Variants in CUL9 observed in about 807,000 individuals in gnomAD.
The protein encoded by CUL9 is cullin 9.
CUL9 carries 79 observed loss-of-function variants against 272.6 expected under a neutral mutation model. That is an observed-to-expected ratio of 0.29 (90% CI 0.24 to 0.35). CUL9 has a LOEUF of 0.35. Among genes scored for constraint, CUL9 ranks in the 10% least tolerant of loss-of-function variants. The pLI is 1.00. For synonymous variants in CUL9, 1,186 were observed against 1,286.5 expected (o/e 0.92, Z 1.67); for missense variants, 2,532 against 3,255.6 (o/e 0.78, Z 5.41).
rs758553098 is a variant in CUL9 at position 43,199,962 on chromosome 6, C to T, written c.3190C>T (p.Leu1064=). The T allele has an allele frequency of 9.3e-6, 15 of 1,614,070 alleles. No individual in the cohort carries two copies. The African/African-American group carries it at 1.1e-4, about 11-fold the overall frequency. ...VQELTCFLHR[L]ASMHKDYAVV... is the part of the protein sequence containing the mutation. ...GGAGCTGACCTGCTTCCTACATCGC[C>T]TGGCCTCGATGCATAAGGACTATGC... Residue 1064 remains leucine, a synonymous_variant, in exon 14 of 41, where the codon CTG becomes TTG. Coordinates refer to ENST00000252050, the MANE Select transcript of CUL9 (RefSeq NM_015089.4). This position sits in a 1 kb window ranked among gnomAD's most constrained non-coding sequence, Gnocchi z 4.4.
chr6:43,222,952 G>A, intron 38 of CUL9, 56 bp downstream of exon 38: 2 of 1,463,320 alleles, frequency 1.4e-6, no homozygotes, highest in South Asian at 1.2e-5. Flanking sequence ...CTGTTGCACA[G>A]CCCGGCCCCT....
chr6:43,204,765 G>C lies in CUL9; in HGVS notation c.4357G>C (p.Gly1453Arg), dbSNP rs1325339571. 8 of 1,614,078 alleles carry C rather than the reference G, an allele frequency of 5.0e-6. No individual in the cohort carries two copies. Among genetic ancestry groups the C allele is most frequent in the East Asian group, 4.5e-5 (2 of 44,890 alleles). ...STRPFSKNSKGRDRSPAPSPV... is the reference protein window; with the variant it reads ...STRPFSKNSKRRDRSPAPSPV... ...CTCTACAGTCAGCAAGAACAGCAAG[G>C]GTCGGGACCGGAGCCCGGCGCCTTC... is the stretch of plus-strand genomic sequence containing the variant. The change falls in exon 22 of 41, where the codon GGT (glycine) becomes CGT (arginine). Residue 1453 changes from glycine (G) to arginine (R), a missense_variant. Gly to Arg is a moderately radical substitution (Grantham distance 125, BLOSUM62 -2). Transcript: ENST00000252050.
chr6:43,196,074 G>A lies in CUL9; in HGVS notation c.2394G>A (p.Leu798=). The A allele has an allele frequency of 1.2e-6, 2 of 1,612,014 alleles. No homozygotes were observed. Among genetic ancestry groups the A allele is most frequent in the Non-Finnish European group, 8.5e-7 (1 of 1,178,514 alleles). ...VLVQQAGLAA[L]KMLAVASSSE... The stretch of plus-strand genomic sequence containing the variant: ...CTTTCACATCCCCCTCACAGGCACT[G>A]AAGATGCTGGCCGTCGCCAGCTCCT... Residue 798 remains leucine (L), a synonymous_variant, in exon 10 of 41, where the codon CTG becomes CTA. Transcript: ENST00000252050.
chr6:43,199,244 C>T lies in CUL9; in HGVS notation c.3051-22C>T. On this transcript the variant is annotated intron_variant, in intron 12 of 40. Coordinates refer to ENST00000252050, the MANE Select transcript of CUL9 (RefSeq NM_015089.4). The surrounding 1 kb of genome is among the most constrained non-coding windows in gnomAD (Gnocchi z 4.4). ...AGCCACTGTGCCTGGCCTGACTTCACTCGTTTCTACCCCCTCACCAGGGTC... is the reference window on the plus strand; with the variant it reads ...AGCCACTGTGCCTGGCCTGACTTCATTCGTTTCTACCCCCTCACCAGGGTC... 1.3e-6 allele frequency: 2 copies of T among 1,594,732 alleles called. No individual in the cohort carries two copies. The highest frequency in any genetic ancestry group is 1.7e-6 in the Non-Finnish European group (2 of 1,163,230).
Position 43,218,152 on chromosome 6 carries a change from G to A in CUL9, c.6282+1649G>A, listed in dbSNP as rs537872797. Reference sequence around the variant, plus strand: ...TTATGAGAAGCCATGGTGGGTTTAAGCAGAATATTGATATTATCTGGTTTA... The same window carrying A: ...TTATGAGAAGCCATGGTGGGTTTAAACAGAATATTGATATTATCTGGTTTA... On this transcript the variant is annotated intron_variant, in intron 31 of 40. Transcript: ENST00000252050. This position sits in a 1 kb window ranked among gnomAD's most constrained non-coding sequence, Gnocchi z 4.4. Among the ~76,000 whole-genome samples the A allele has an allele frequency of 6.6e-6, 1 of 152,040 alleles. No homozygotes were observed. Among genetic ancestry groups the A allele is most frequent in the Admixed American group, 6.5e-5 (1 of 15,278 alleles).
chr6:43,202,802 T>C lies in CUL9; in HGVS notation c.3734T>C (p.Ile1245Thr). 6.2e-7 allele frequency: 1 copy of C among 1,614,088 alleles called. No homozygotes were observed. The highest frequency in any genetic ancestry group is 2.2e-5 in the East Asian group (1 of 44,868). The change falls in exon 17 of 41, where the codon ATC becomes ACC. Residue 1245 changes from isoleucine (I) to threonine (T), a missense_variant. By Grantham distance (89) the Ile-to-Thr change is moderately conservative. Transcript: ENST00000252050. ...TTTGGGGGTGACAGCACCAGCTGCA[T>C]CGGCACTGAGCTCAACACGGTGGGG... is the stretch of plus-strand genomic sequence containing the variant. ...VVFGGDSTSC[I>T]GTELNTVNVM...
At chr6:43,211,455 G>A (rs1423121601) in intron 26 of CUL9, among the ~76,000 whole-genome samples, 1 of 152,214 alleles carries the variant, frequency 6.6e-6, no homozygotes, top group Non-Finnish European at 1.5e-5. Flanking sequence ...CCACTTGGGA[G>A]GCTGAGGCAG....
rs745533441 is a variant in CUL9, at chr6:43,215,133, G to A, written c.5743G>A (p.Val1915Ile). ...PNPPGTLGHTVAGGVACTSTD... is the reference protein window; with the variant it reads ...PNPPGTLGHTIAGGVACTSTD... The stretch of plus-strand genomic sequence containing the variant: ...TCCTCCTGGAACCCTGGGCCACACT[G>A]TTGCTGGGGGTGTGGCCTGTACCAG... Residue 1915 changes from valine to isoleucine, a missense_variant, in exon 30 of 41, where the codon GTT (valine) becomes ATT (isoleucine). By Grantham distance (29) the Val-to-Ile change is conservative. Coordinates refer to ENST00000252050, the MANE Select transcript of CUL9 (RefSeq NM_015089.4). The A allele has an allele frequency of 1.1e-5, 18 of 1,613,962 alleles. No homozygotes were observed. In the Admixed American group the frequency reaches 1.5e-4, roughly 13 times the overall value.
rs1357286500 is a variant in CUL9 at position 43,204,826 on chromosome 6, C to A, written c.4418C>A (p.Thr1473Asn). 1 of 1,614,218 alleles carries A rather than the reference C, an allele frequency of 6.2e-7. No individual in the cohort carries two copies. Among genetic ancestry groups the A allele is most frequent in the African/African-American group, 1.3e-5 (1 of 75,060 alleles). Residue 1473 changes from threonine to asparagine, a missense_variant, in exon 22 of 41, where the codon ACC becomes AAC. Thr to Asn is a moderately conservative substitution (Grantham distance 65). Coordinates refer to ENST00000252050, the MANE Select transcript of CUL9 (RefSeq NM_015089.4). ...VLPSSSLRNITQCWLSVVQEQ... is the reference protein window; with the variant it reads ...VLPSSSLRNINQCWLSVVQEQ... ...CCAAGCAGCAGCCTGAGGAACATAA[C>A]CCAGTGCTGGCTGAGCGTGGTGCAG...
rs1238025448 is a variant in CUL9 at position 43,221,295 on chromosome 6, C to T, written c.6726C>T (p.Pro2242=). The T allele has an allele frequency of 6.2e-7, 1 of 1,608,468 alleles. No homozygotes were observed. Among genetic ancestry groups the T allele is most frequent in the Non-Finnish European group, 8.5e-7 (1 of 1,179,618 alleles). Residue 2242 remains proline (P), a synonymous_variant, in exon 34 of 41, where the codon CCC becomes CCT. Coordinates refer to ENST00000252050, the MANE Select transcript of CUL9 (RefSeq NM_015089.4). The surrounding 1 kb of genome is among the most constrained non-coding windows in gnomAD (Gnocchi z 4.2). ...AGCGCTGTCCCAGCTGTCAGGCTCCCATCGAGAAGAACGAGGGGTGCCTGC... is the reference window on the plus strand; with the variant it reads ...AGCGCTGTCCCAGCTGTCAGGCTCCTATCGAGAAGAACGAGGGGTGCCTGC... ...ISKRCPSCQA[P]IEKNEGCLHM...
intron 26 of CUL9, among the ~76,000 whole-genome samples, chr6:43,207,601 G>A (rs1478087653): frequency 6.6e-6 from 1 of 152,028 alleles, no homozygotes; most frequent in African/African-American, 2.4e-5. Flanking sequence ...TCTAAGAATT[G>A]TTAAATTTCT....
intron 4 of CUL9, 122 bp downstream of exon 4, chr6:43,186,577 A>C (rs1772936958): frequency 7.3e-7 from 1 of 1,373,304 alleles, no homozygotes; most frequent in Non-Finnish European, 9.7e-7. Flanking sequence ...AATTGGAATG[A>C]TACAAGGGGG....
intron 4 of CUL9, among the ~76,000 whole-genome samples, chr6:43,186,657 C>A (rs548927529): frequency 1.3e-5 from 2 of 152,204 alleles, no homozygotes; most frequent in African/African-American, 4.8e-5. Context: ...GCTGTAAGTT[C>A]ATGGGAGACT....
At position 43,215,155 on chromosome 6, in the gene CUL9, C is replaced by T. The variant is rs1372433767; in HGVS notation, c.5765C>T (p.Thr1922Ile). 1 of 1,614,068 alleles carries T rather than the reference C, an allele frequency of 6.2e-7. No individual in the cohort carries two copies. The highest frequency in any genetic ancestry group is 8.5e-7 in the Non-Finnish European group (1 of 1,180,040). Residue 1922 changes from threonine to isoleucine, a missense_variant, in exon 30 of 41, where the codon ACC becomes ATC. Physicochemically the swap from Thr to Ile is moderately conservative, Grantham distance 89. Around this residue, in one of 3 missense-constraint regions of CUL9, gnomAD observed 2,218 missense variants for 2,788.6 expected, o/e 0.80. Transcript: ENST00000252050. ...ACTGTTGCTGGGGGTGTGGCCTGTA[C>T]CAGTACAGATGTCCTCTCTTGCATC... is the stretch of plus-strand genomic sequence containing the variant. ...GHTVAGGVAC[T>I]STDVLSCILH...
intron 4 of CUL9, 66 bp downstream of exon 4, chr6:43,186,521 C>G: frequency 6.5e-7 from 1 of 1,528,074 alleles, no homozygotes; most frequent in Non-Finnish European, 8.8e-7. Context: ...GCTGGGACTT[C>G]ATAAGGAGGA....
At chr6:43,193,433 T>A (rs1175350460) in intron 9 of CUL9, among the ~76,000 whole-genome samples, 1 of 152,196 alleles carries the variant, frequency 6.6e-6, no homozygotes, top group African/African-American at 2.4e-5. Context: ...AGGATCTTGC[T>A]ATGTTGCCCA....
chr6:43,216,399 G>C lies in CUL9; in HGVS notation c.6178G>C (p.Ala2060Pro). Reference protein sequence around the residue: ...LLAAGLCVHQAQAVPVRPDHC... With the variant: ...LLAAGLCVHQPQAVPVRPDHC... ...GGCAGCTGGGCTGTGCGTACACCAG[G>C]CTCAGGCTGTACCCGTACGGCCTGA... is the stretch of plus-strand genomic sequence containing the variant. The change falls in exon 31 of 41, where the codon GCT becomes CCT. Residue 2060 changes from alanine (A) to proline (P), a missense_variant. Physicochemically the swap from Ala to Pro is conservative, Grantham distance 27 (BLOSUM62 -1). This residue lies in a region of CUL9 where 2,218 missense variants were observed against 2,788.6 expected (regional missense o/e 0.80). Coordinates refer to ENST00000252050, the MANE Select transcript of CUL9 (RefSeq NM_015089.4). 1 of 1,614,070 alleles carries C rather than the reference G, an allele frequency of 6.2e-7. No individual in the cohort carries two copies.
chr6:43,219,671 GA>G (rs1021481176), intron 31 of CUL9, among the ~76,000 whole-genome samples: 3 of 152,276 alleles, frequency 2.0e-5, no homozygotes, highest in Admixed American at 1.3e-4. Flanking sequence ...CATCATTTTG[GA>G]AGGCATGGCC....
rs371285054 is a variant in CUL9 at position 43,205,257 on chromosome 6, C to T, written c.4633-6C>T. 37 of 1,612,814 alleles carry T rather than the reference C, an allele frequency of 2.3e-5. No individual in the cohort carries two copies. Among genetic ancestry groups the T allele is most frequent in the Non-Finnish European group, 3.1e-5 (36 of 1,178,946 alleles). ...GGTTTGCTCATGCCCTTTCCCCTGC[C>T]CCCAGATGAGTGAGCAGTTTGCCAG... On this transcript the variant is annotated splice_region_variant and splice_polypyrimidine_tract_variant and intron_variant, in intron 23 of 40. Coordinates refer to ENST00000252050, the MANE Select transcript of CUL9 (RefSeq NM_015089.4).
Sources: gnomAD v4.1 joint callset for allele counts (sites outside exome capture counted in the v4.1 genomes callset) on GRCh38, gnomAD v4.1.1 for gene constraint, gnomAD v4.1.1 regional missense constraint, Gnocchi (gnomAD v3.1) non-coding constraint, MANE v1.5 for transcripts, NCBI Gene and HGNC (gene_info 2026-07-23, HGNC 2026-07-21) for gene names.